Variants in ABL2 observed in about 807,000 individuals in gnomAD.
ABL2 encodes the protein tyrosine-protein kinase ABL2.
In ABL2, 49 loss-of-function variants were observed where a neutral mutation model predicts 107.7. The ratio of observed to expected loss-of-function variants is 0.45; its 90% CI spans 0.36 to 0.58. The LOEUF is 0.58. ABL2 is among the 20% of genes least tolerant of loss of function. The pLI, the probability that ABL2 is intolerant of heterozygous loss-of-function variation, is 0.00. For missense variants in ABL2, 1,245 were observed against 1,457.0 expected (o/e 0.85, Z 2.37); for synonymous variants, 549 against 548.6 (o/e 1.00, Z -0.01).
intron 1 of ABL2, among the ~76,000 whole-genome samples, chr1:179,154,623 C>T (rs1658570153): frequency 6.6e-6 from 1 of 152,192 alleles, no homozygotes; most frequent in Admixed American, 6.5e-5. Flanking sequence ...AAGTGTAATC[C>T]TGCCTTACTT....
At chr1:179,173,560 C>A (rs139358117) in intron 1 of ABL2, among the ~76,000 whole-genome samples, 2,053 of 151,912 alleles carry the variant, frequency 0.014, 65 homozygotes, top group African/African-American at 0.046. Context: ...CCATGTTGGC[C>A]AGGATAGTCT....
intron 1 of ABL2, among the ~76,000 whole-genome samples, chr1:179,216,690 C>T (rs1449208160): frequency 6.6e-6 from 1 of 151,586 alleles, no homozygotes; most frequent in Non-Finnish European, 1.5e-5. Context: ...CAATAATAAG[C>T]TAAATATATC....
At position 179,107,998 on chromosome 1, in the gene ABL2, A is replaced by G. The variant is rs767912620; in HGVS notation, c.3269T>C (p.Leu1090Pro). The change falls in exon 12 of 12, where the codon CTG becomes CCG. Residue 1090 changes from leucine (L) to proline (P), a missense_variant. Leu to Pro is a moderately conservative substitution (Grantham distance 98). Around this residue, in one of 3 missense-constraint regions of ABL2, gnomAD observed 761 missense variants for 766.4 expected, o/e 0.99. Transcript: ENST00000502732. ...ACTGGACAGTAGGTCAGCACATTCC[A>G]GCAGGGCCTCTTTGCTGATTTTGTC... ...SADKISKEAL[L>P]ECADLLSSAL... 1 of 1,614,234 alleles carries G rather than the reference A, an allele frequency of 6.2e-7. No individual in the cohort carries two copies. Among genetic ancestry groups the G allele is most frequent in the Non-Finnish European group, 8.5e-7 (1 of 1,180,038 alleles).
chr1:179,110,737 T>C, intron 10 of ABL2: 1 of 1,613,264 alleles, frequency 6.2e-7, no homozygotes, highest in Non-Finnish European at 8.5e-7. Flanking sequence ...GATGGATGTT[T>C]AGGTTGTTTC....
At chr1:179,112,091 A>AT in intron 10 of ABL2, among the ~76,000 whole-genome samples, 1 of 152,294 alleles carries the variant, frequency 6.6e-6, no homozygotes, top group Admixed American at 6.5e-5. Context: ...ATATTCAGCT[A>AT]TATGGTTGTA....
intron 8 of ABL2, among the ~76,000 whole-genome samples, chr1:179,116,261 C>A (rs897972465): frequency 1.3e-5 from 2 of 152,102 alleles, no homozygotes; most frequent in Non-Finnish European, 2.9e-5. Flanking sequence ...GTAGTCCCAG[C>A]AACTCTGGAG....
At chr1:179,191,466 G>A (rs1430438158) in intron 1 of ABL2, among the ~76,000 whole-genome samples, 5 of 133,980 alleles carry the variant, frequency 3.7e-5, no homozygotes, top group Non-Finnish European at 7.6e-5. Context: ...TATTGCCCAG[G>A]CTGGAGTGCA....
At chr1:179,131,104 C>A in intron 3 of ABL2, 1 of 374,062 alleles carries the variant, frequency 2.7e-6, no homozygotes, top group Non-Finnish European at 5.0e-6. Context: ...CCACGCCTGA[C>A]TAATTTTTTT....
intron 1 of ABL2, among the ~76,000 whole-genome samples, chr1:179,179,115 T>C (rs1314859116): frequency 6.6e-6 from 1 of 152,164 alleles, no homozygotes; most frequent in Non-Finnish European, 1.5e-5. Context: ...TACAATTTAA[T>C]GAGTCACCAG....
chr1:179,218,225 C>A (rs532891303), intron 1 of ABL2, among the ~76,000 whole-genome samples: 1 of 152,142 alleles, frequency 6.6e-6, no homozygotes, highest in Admixed American at 6.5e-5. Flanking sequence ...CAAGAGACCT[C>A]TAATGTACGA....
chr1:179,107,454 A>G lies in ABL2; in HGVS notation c.*264T>C. 1 of 498,444 alleles carries G rather than the reference A, an allele frequency of 2.0e-6. No homozygotes were observed. Among genetic ancestry groups the G allele is most frequent in the Admixed American group, 4.0e-5 (1 of 24,704 alleles). The allele number at this position is 498,444 out of a possible 1,614,324, so 30.9% of individuals were successfully genotyped here. Reference sequence around the variant, plus strand: ...CTGCATTGCCTTCCTTATGACATACACATGTTCCCTATTTTCCAGTGCAGT... The same window carrying G: ...CTGCATTGCCTTCCTTATGACATACGCATGTTCCCTATTTTCCAGTGCAGT... On this transcript the variant is annotated 3_prime_UTR_variant, in exon 12 of 12. Transcript: ENST00000502732.
chr1:179,205,575 T>C (rs915743650), intron 1 of ABL2, among the ~76,000 whole-genome samples: 2 of 152,218 alleles, frequency 1.3e-5, no homozygotes, highest in Non-Finnish European at 2.9e-5. Context: ...AGCCTGGGTC[T>C]CTGGGTGATA....
chr1:179,184,412 G>T, intron 1 of ABL2: 2 of 958,190 alleles, frequency 2.1e-6, no homozygotes, highest in Non-Finnish European at 3.2e-6. Flanking sequence ...CCAGCAGGAA[G>T]AGGCAGCATG....
intron 1 of ABL2, among the ~76,000 whole-genome samples, chr1:179,222,750 G>C (rs1168198009): frequency 6.6e-6 from 1 of 151,764 alleles, no homozygotes; most frequent in African/African-American, 2.4e-5. Flanking sequence ...CAAAAATCAT[G>C]TCAGATCCTT....
chr1:179,227,387 A>C (rs918417025), intron 1 of ABL2, among the ~76,000 whole-genome samples: 1 of 152,192 alleles, frequency 6.6e-6, no homozygotes, highest in Non-Finnish European at 1.5e-5. Context: ...TCACTAGCCC[A>C]TCAACAAATT....
At chr1:179,193,136 C>T (rs1269653428) in intron 1 of ABL2, among the ~76,000 whole-genome samples, 1 of 150,754 alleles carries the variant, frequency 6.6e-6, no homozygotes, top group African/African-American at 2.4e-5. Context: ...CAAAAAAGGG[C>T]ACAACTTGCA....
Position 179,100,071 on chromosome 1 carries a change from G to A in ABL2, c.*7647C>T. On this transcript the variant is annotated 3_prime_UTR_variant, in exon 12 of 12. Coordinates refer to ENST00000502732, the MANE Select transcript of ABL2 (RefSeq NM_007314.4). ...CAGCTATACAGATCTGAGATGAGAG[G>A]GTTTTCAAACATATGCCCTAAAGAA... The A allele has an allele frequency of 4.3e-6, 1 of 231,976 alleles. No individual in the cohort carries two copies. The highest frequency in any genetic ancestry group is 6.1e-5 in the East Asian group (1 of 16,404). 14.4% of individuals were successfully genotyped at this position (231,976 alleles called of 1,614,324 possible).
At position 179,105,598 on chromosome 1, in the gene ABL2, G is replaced by A; in HGVS notation, c.*2120C>T. On this transcript the variant is annotated 3_prime_UTR_variant, in exon 12 of 12. Transcript: ENST00000502732. ...ATGAACCCAATCACTAGCTGCCTGT[G>A]CTGCAACTGCAGGTGACATACTGCG... 1 of 228,716 alleles carries A rather than the reference G, an allele frequency of 4.4e-6. No individual in the cohort carries two copies. The highest frequency in any genetic ancestry group is 6.2e-5 in the East Asian group (1 of 16,054). 14.2% of individuals were successfully genotyped at this position (228,716 alleles called of 1,614,324 possible). A position where few individuals can be genotyped will look rare whatever the true frequency, so the allele number is the denominator to read the frequency against.
chr1:179,152,830 G>C (rs1658439836), intron 1 of ABL2, among the ~76,000 whole-genome samples: 1 of 152,206 alleles, frequency 6.6e-6, no homozygotes, highest in East Asian at 1.9e-4. Context: ...CCACAGAATG[G>C]AGAACAGACA....
Sources: allele counts gnomAD v4.1 joint callset (sites outside exome capture counted in the v4.1 genomes callset), GRCh38; gene constraint gnomAD v4.1.1; regional missense constraint gnomAD v4.1.1; transcripts MANE v1.5; gene names NCBI Gene and HGNC (gene_info 2026-07-23, HGNC 2026-07-21).